AFM: variants seen among roughly 807,000 people sequenced by gnomAD.
AFM encodes afamin.
In AFM, 82 loss-of-function variants were observed where a neutral mutation model predicts 68.7. The ratio of observed to expected loss-of-function variants is 1.19; its 90% CI spans 1.00 to 1.43. The LOEUF is 1.43. Ranked by LOEUF, AFM falls within the 40% of genes most tolerant of loss-of-function variation. The pLI is 0.00. For synonymous variants in AFM, 250 were observed against 234.2 expected, an observed-to-expected ratio of 1.07 and a Z score of -0.61; for missense variants, 772 against 701.8, an observed-to-expected ratio of 1.10 and a Z score of -1.13.
intron 9 of AFM, among the ~76,000 whole-genome samples, chr4:73,496,670 G>A (rs35233345): frequency 0.61 from 92,345 of 151,882 alleles, 29,568 homozygotes; most frequent in Non-Finnish European, 0.72. Context: ...ACCTTTATTT[G>A]ATTTTTAAAT....
intron 3 of AFM, among the ~76,000 whole-genome samples, chr4:73,485,417 G>A (rs1018764947): frequency 6.6e-6 from 1 of 152,032 alleles, no homozygotes; most frequent in Admixed American, 6.6e-5. Flanking sequence ...AAAATGCTTT[G>A]ATTTGGCACA....
chr4:73,497,818 A>G (rs1236728369), intron 10 of AFM, 69 bp downstream of exon 10: 44 of 1,042,774 alleles, frequency 4.2e-5, no homozygotes, highest in Non-Finnish European at 5.6e-5. Context: ...CGAAGCGTAA[A>G]AAAGTTAGCT....
Position 73,487,457 on chromosome 4 carries a change from C to G in AFM, c.616-267C>G, listed in dbSNP as rs554603440. On this transcript the variant is annotated intron_variant, in intron 5 of 14. Transcript: ENST00000226355. ...CATGGTATAATCTCAGTAGGGATGG[C>G]CAAGCTCACAGCATGCTGCCCCACC... 4.6e-5 allele frequency among the ~76,000 whole-genome samples: 7 copies of G among 152,262 alleles called. No homozygotes were observed. The South Asian group carries it at 1.5e-3, about 32-fold the overall frequency.
At position 73,487,739 on chromosome 4, in the gene AFM, C is replaced by A. The variant is rs139593758; in HGVS notation, c.631C>A (p.Gln211Lys). 203 of 1,611,532 alleles carry A rather than the reference C, an allele frequency of 1.3e-4. No homozygotes were observed. In the African/African-American group the frequency reaches 2.4e-3, roughly 19 times the overall value. Reference protein sequence around the residue: ...CLQTRAIPVTQYLKAFSSYQK... With the variant: ...CLQTRAIPVTKYLKAFSSYQK... ...TCTTCTTCAGGCAATACCTGTCACA[C>A]AATATTTAAAAGCATTTTCTTCTTA... The change falls in exon 6 of 15, where the codon CAA becomes AAA. Residue 211 changes from glutamine to lysine, a missense_variant. Coordinates refer to ENST00000226355, the MANE Select transcript of AFM (RefSeq NM_001133.2).
At chr4:73,496,648 T>G (rs922831879) in intron 9 of AFM, among the ~76,000 whole-genome samples, 1 of 152,320 alleles carries the variant, frequency 6.6e-6, no homozygotes, top group African/African-American at 2.4e-5. Context: ...ACAGTGTTTG[T>G]GTTTTTAAAA....
At chr4:73,495,642 G>A (rs1370075248) in intron 9 of AFM, among the ~76,000 whole-genome samples, 1 of 152,114 alleles carries the variant, frequency 6.6e-6, no homozygotes, top group African/African-American at 2.4e-5. Context: ...AATCCAATGT[G>A]TTAATTCAAA....
intron 7 of AFM, among the ~76,000 whole-genome samples, chr4:73,490,949 C>T (rs1273830418): frequency 6.6e-6 from 1 of 152,118 alleles, no homozygotes; most frequent in Non-Finnish European, 1.5e-5. Flanking sequence ...TACCTCAGTC[C>T]TGAGCTTCAT....
chr4:73,501,805 G>A lies in AFM; in HGVS notation c.1665G>A (p.Val555=). 6.2e-7 allele frequency: 1 copy of A among 1,612,838 alleles called. No homozygotes were observed. Among genetic ancestry groups the A allele is most frequent in the Non-Finnish European group, 8.5e-7 (1 of 1,179,420 alleles). Residue 555 remains valine (V), a synonymous_variant, in exon 13 of 15, where the codon GTG becomes GTA. Coordinates refer to ENST00000226355, the MANE Select transcript of AFM (RefSeq NM_001133.2). ...GCCACAGGTTTCTTGTCAACTTAGT[G>A]AAGCTGAAGCATGAACTCACAGATG... The part of the protein sequence containing the change: ...RKTDRFLVNL[V]KLKHELTDEE...
intron 6 of AFM, 26 bp from the exon 7 acceptor site, chr4:73,488,604 T>A: frequency 3.8e-6 from 6 of 1,592,496 alleles, no homozygotes; most frequent in Non-Finnish European, 5.1e-6. Flanking sequence ...CAAATTATTT[T>A]TGTGGTTTAT....
At chr4:73,489,333 G>A (rs559840062) in intron 7 of AFM, among the ~76,000 whole-genome samples, 1 of 149,980 alleles carries the variant, frequency 6.7e-6, no homozygotes, top group South Asian at 2.1e-4. Context: ...GCCTTTAACT[G>A]ACAATTAAAA....
chr4:73,484,146 C>A (rs986329367), intron 2 of AFM, 112 bp from the exon 3 acceptor site: 11 of 1,439,940 alleles, frequency 7.6e-6, no homozygotes, highest in Non-Finnish European at 1.0e-5. Context: ...AATTTATAGC[C>A]ATTACAATAG....
At chr4:73,498,814 G>C (rs953229990) in intron 10 of AFM, among the ~76,000 whole-genome samples, 2 of 151,950 alleles carry the variant, frequency 1.3e-5, no homozygotes, top group South Asian at 4.2e-4. Context: ...CAAGATTTTA[G>C]ATACTAGCCA....
At position 73,499,264 on chromosome 4, in the gene AFM, A is replaced by T; in HGVS notation, c.1422+18A>T. ...ATAATTTGGTGAGCATGGCCTGTGT[A>T]CCAGACTACTCTTTTTTTTTTTTTT... On this transcript the variant is annotated intron_variant, in intron 11 of 14. Transcript: ENST00000226355. The T allele has an allele frequency of 6.5e-7, 1 of 1,533,200 alleles. No homozygotes were observed. The allele number at this position is 1,533,200 out of a possible 1,614,324, so 95.0% of individuals were successfully genotyped here.
At chr4:73,502,917 G>A (rs1721459364) in intron 13 of AFM, 133 bp from the exon 14 acceptor site, 1 of 851,742 alleles carries the variant, frequency 1.2e-6, no homozygotes. Flanking sequence ...AAGAAAGAAT[G>A]TTTACTGTTT....
intron 4 of AFM, among the ~76,000 whole-genome samples, chr4:73,486,537 CT>C (rs1198710675): frequency 6.6e-6 from 1 of 152,040 alleles, no homozygotes; most frequent in Non-Finnish European, 1.5e-5. Context: ...ACAAATTTAT[CT>C]GAAAAAAAGT....
At position 73,491,878 on chromosome 4, in the gene AFM, G is replaced by T; in HGVS notation, c.850G>T (p.Val284Phe). Residue 284 changes from valine (V) to phenylalanine (F), a missense_variant, in exon 8 of 15, where the codon GTT becomes TTT. Coordinates refer to ENST00000226355, the MANE Select transcript of AFM (RefSeq NM_001133.2). ...VVQCIRDTSK[V>F]MNHICSKQDS... is the part of the protein sequence containing the mutation. ...TCATTCTTATTTGGTACAGAGCAAGGTTATGAACCATATTTGTTCAAAACA... is the reference window on the plus strand; with the variant it reads ...TCATTCTTATTTGGTACAGAGCAAGTTTATGAACCATATTTGTTCAAAACA... The T allele has an allele frequency of 3.7e-6, 6 of 1,612,928 alleles. No homozygotes were observed. Among genetic ancestry groups the T allele is most frequent in the Non-Finnish European group, 5.1e-6 (6 of 1,179,336 alleles).
intron 4 of AFM, 149 bp downstream of exon 4, chr4:73,486,222 G>T: frequency 2.7e-6 from 2 of 741,354 alleles, no homozygotes; most frequent in East Asian, 5.4e-5. Flanking sequence ...CAGATACTGT[G>T]CTCAGTGTTC....
At position 73,486,024 on chromosome 4, in the gene AFM, G is replaced by A. The variant is rs373279626; in HGVS notation, c.433G>A (p.Glu145Lys). 84 of 1,613,900 alleles carry A rather than the reference G, an allele frequency of 5.2e-5. No individual in the cohort carries two copies. The highest frequency in any genetic ancestry group is 6.0e-5 in the Non-Finnish European group (71 of 1,179,974). ...GCCTCCTTTCCCTACCCTGGATCCC[G>A]AAGAGAAATGCCAGGCTTATGAAAG... is the stretch of plus-strand genomic sequence containing the variant. ...FLPPFPTLDP[E>K]EKCQAYESNR... Residue 145 changes from glutamate (E) to lysine (K), a missense_variant, in exon 4 of 15, where the codon GAA becomes AAA. Physicochemically the swap from Glu to Lys is moderately conservative, Grantham distance 56. Coordinates refer to ENST00000226355, the MANE Select transcript of AFM (RefSeq NM_001133.2).
Position 73,495,290 on chromosome 4 carries a change from C to T in AFM, c.1059-10C>T, listed in dbSNP as rs541617409. 2 of 1,564,380 alleles carry T rather than the reference C, an allele frequency of 1.3e-6. No individual in the cohort carries two copies. The highest frequency in any genetic ancestry group is 1.4e-5 in the African/African-American group (1 of 71,808). On this transcript the variant is annotated splice_polypyrimidine_tract_variant and intron_variant, in intron 8 of 14. Coordinates refer to ENST00000226355, the MANE Select transcript of AFM (RefSeq NM_001133.2). ...CTAATTTCTAATATACAAAATTTTA[C>T]ACATTGCAGGTTTACTTTTGAATAC...
Sources: gnomAD v4.1 joint callset for allele counts (sites outside exome capture counted in the v4.1 genomes callset) on GRCh38, gnomAD v4.1.1 for gene constraint, MANE v1.5 for transcripts, NCBI Gene and HGNC (gene_info 2026-07-23, HGNC 2026-07-21) for gene names.